Variants in KCNH7 observed in about 807,000 individuals in gnomAD.
The protein encoded by KCNH7 is potassium voltage-gated channel subfamily H member 7.
Under a neutral mutation model 120.8 loss-of-function variants are expected in KCNH7, and 49 were observed. The ratio of observed to expected loss-of-function variants is 0.41; its 90% CI spans 0.32 to 0.51. KCNH7 has a LOEUF of 0.51. Among genes scored for constraint, KCNH7 ranks in the 20% least tolerant of loss-of-function variants. The pLI is 0.38. For missense variants in KCNH7, 1,097 were observed against 1,446.6 expected (o/e 0.76, Z 3.92); for synonymous variants, 547 against 516.1 (o/e 1.06, Z -0.81).
intron 6 of KCNH7, among the ~76,000 whole-genome samples, chr2:162,502,589 C>G (rs546306451): frequency 6.6e-6 from 1 of 152,200 alleles, no homozygotes; most frequent in South Asian, 2.1e-4. Flanking sequence ...TTTGATGTGA[C>G]CTTCTAGATC....
In KCNH7 at chr2:162,400,346, A is replaced by G; in HGVS notation, c.2250T>C (p.Ser750=). ...TTGCCAAAGCTCTAAGGCAACCTTT[A>G]CTTGCCCCCCGAAAGGCTTTGCAGT... is the stretch of plus-strand genomic sequence containing the variant. The part of the protein sequence containing the change: ...LQNCKAFRGA[S]KGCLRALAMK... Residue 750 remains serine, a synonymous_variant, in exon 10 of 16, where the codon AGT becomes AGC. Coordinates refer to ENST00000332142, the MANE Select transcript of KCNH7 (RefSeq NM_033272.4). The G allele has an allele frequency of 1.2e-6, 2 of 1,612,514 alleles. No individual in the cohort carries two copies. Among genetic ancestry groups the G allele is most frequent in the Non-Finnish European group, 1.7e-6 (2 of 1,179,026 alleles).
At chr2:162,397,134 G>A (rs1266622990) in intron 10 of KCNH7, among the ~76,000 whole-genome samples, 189 bp from the exon 11 acceptor site, 1 of 151,636 alleles carries the variant, frequency 6.6e-6, no homozygotes, top group Non-Finnish European at 1.5e-5. Context: ...AAGGGTGATT[G>A]GTCCTTTTAT....
chr2:162,661,899 T>G (rs1282266089), intron 2 of KCNH7, among the ~76,000 whole-genome samples: 2 of 152,178 alleles, frequency 1.3e-5, no homozygotes, highest in Non-Finnish European at 2.9e-5. Context: ...TATTTTTTAT[T>G]TTTTGTTTTT....
At chr2:162,744,698 G>A (rs1041411385) in intron 2 of KCNH7, among the ~76,000 whole-genome samples, 2 of 149,916 alleles carry the variant, frequency 1.3e-5, no homozygotes, top group African/African-American at 4.9e-5. Flanking sequence ...TCAGCCTCCC[G>A]AGTAGCTGGG....
intron 2 of KCNH7, among the ~76,000 whole-genome samples, chr2:162,805,338 A>G (rs1446987172): frequency 1.3e-5 from 2 of 152,168 alleles, no homozygotes; most frequent in African/African-American, 4.8e-5. Context: ...TATGCATCTG[A>G]CAAAGGACTA....
At chr2:162,776,971 T>C (rs1683264716) in intron 2 of KCNH7, among the ~76,000 whole-genome samples, 1 of 152,174 alleles carries the variant, frequency 6.6e-6, no homozygotes, top group South Asian at 2.1e-4. Flanking sequence ...ACTCTTTCCC[T>C]GTTCTCAATT....
intron 2 of KCNH7, among the ~76,000 whole-genome samples, chr2:162,777,359 G>A (rs1340167193): frequency 6.7e-6 from 1 of 149,480 alleles, no homozygotes; most frequent in African/African-American, 2.5e-5. Flanking sequence ...TTGTTATATG[G>A]TATTGCTTAG....
chr2:162,806,883 A>T (rs1209851912), intron 2 of KCNH7, among the ~76,000 whole-genome samples: 1 of 152,118 alleles, frequency 6.6e-6, no homozygotes, highest in Non-Finnish European at 1.5e-5. Context: ...ATTAACTCAA[A>T]GTATAACAGA....
intron 12 of KCNH7, among the ~76,000 whole-genome samples, chr2:162,386,002 G>C (rs966556624): frequency 1.3e-5 from 2 of 151,934 alleles, no homozygotes; most frequent in South Asian, 4.1e-4. Flanking sequence ...TTAAAAATCA[G>C]TGTTATGCGA....
intron 13 of KCNH7, 89 bp downstream of exon 13, chr2:162,384,599 A>G: frequency 8.3e-7 from 1 of 1,199,736 alleles, no homozygotes; most frequent in South Asian, 1.4e-5. Context: ...TTAGATTAAC[A>G]TGTGTCAGTA....
chr2:162,769,483 C>T lies in KCNH7; in HGVS notation c.307+67054G>A, dbSNP rs181416309. 1.9e-4 allele frequency among the ~76,000 whole-genome samples: 29 copies of T among 152,132 alleles called. No homozygotes were observed. The East Asian group carries it at 5.6e-3, about 29-fold the overall frequency. Reference sequence around the variant, plus strand: ...TAATAATATTCACTGAATTTACAGTCCTCTTGCCCACATACTGCTATTGCA... The same window carrying T: ...TAATAATATTCACTGAATTTACAGTTCTCTTGCCCACATACTGCTATTGCA... On this transcript the variant is annotated intron_variant, in intron 2 of 15. Transcript: ENST00000332142.
At chr2:162,801,699 A>G (rs570134339) in intron 2 of KCNH7, among the ~76,000 whole-genome samples, 1 of 151,800 alleles carries the variant, frequency 6.6e-6, no homozygotes, top group African/African-American at 2.4e-5. Flanking sequence ...ATCACAATAA[A>G]ACAGAAGTTA....
At chr2:162,741,588 C>T (rs976421815) in intron 2 of KCNH7, among the ~76,000 whole-genome samples, 1 of 152,158 alleles carries the variant, frequency 6.6e-6, no homozygotes, top group South Asian at 2.1e-4. Context: ...TTTTAGTCAA[C>T]AGCCTGGTAA....
chr2:162,677,739 T>G (rs926799077), intron 2 of KCNH7, among the ~76,000 whole-genome samples: 1 of 151,518 alleles, frequency 6.6e-6, no homozygotes, highest in African/African-American at 2.4e-5. Context: ...CTGTCAAACA[T>G]CTTTCCAACC....
At chr2:162,385,147 A>T (rs765411416) in intron 12 of KCNH7, among the ~76,000 whole-genome samples, 1 of 151,960 alleles carries the variant, frequency 6.6e-6, no homozygotes, top group Non-Finnish European at 1.5e-5. Context: ...AAGAATATTT[A>T]CAATGGTAAT....
intron 6 of KCNH7, among the ~76,000 whole-genome samples, chr2:162,480,908 G>A (rs1458300770): frequency 6.6e-6 from 1 of 152,104 alleles, no homozygotes; most frequent in East Asian, 1.9e-4. Flanking sequence ...TCTTCCCACA[G>A]TTGCCTCTGG....
At chr2:162,772,820 TATG>T (rs954148791) in intron 2 of KCNH7, among the ~76,000 whole-genome samples, 3 of 152,224 alleles carry the variant, frequency 2.0e-5, no homozygotes, top group African/African-American at 7.2e-5. Flanking sequence ...CCAATGTGAA[TATG>T]ATATCATCCC....
At chr2:162,683,808 CT>C in intron 2 of KCNH7, among the ~76,000 whole-genome samples, 1 of 152,002 alleles carries the variant, frequency 6.6e-6, no homozygotes, top group Admixed American at 6.6e-5. Flanking sequence ...ACCCATCAAG[CT>C]ACCATTGACT....
chr2:162,831,864 G>T (rs1051253418), intron 2 of KCNH7, among the ~76,000 whole-genome samples: 1 of 152,176 alleles, frequency 6.6e-6, no homozygotes, highest in Non-Finnish European at 1.5e-5. Context: ...CTTCTTAGAG[G>T]TGTGATGTTG....
Sources: gnomAD v4.1 joint callset for allele counts (sites outside exome capture counted in the v4.1 genomes callset) on GRCh38, gnomAD v4.1.1 for gene constraint, MANE v1.5 for transcripts, NCBI Gene and HGNC (gene_info 2026-07-23, HGNC 2026-07-21) for gene names.